DCUN1D2: variants seen among roughly 807,000 people sequenced by gnomAD.
The protein encoded by DCUN1D2 is DCN1-like protein 2.
In DCUN1D2, 29 loss-of-function variants were observed where a neutral mutation model predicts 30.9. The observed-to-expected ratio is 0.94, with a 90% CI of 0.70 to 1.28. DCUN1D2 has a LOEUF of 1.28. DCUN1D2 is among the 50% of genes most tolerant of loss of function. The probability of loss-of-function intolerance (pLI) is 0.00; values close to 1 mark genes in which losing one functional copy is unlikely to be tolerated. For synonymous variants in DCUN1D2, 121 were observed against 115.3 expected, an observed-to-expected ratio of 1.05 and a Z score of -0.32; for missense variants, 325 against 316.9, an observed-to-expected ratio of 1.03 and a Z score of -0.19.
chr13:113,463,922 G>C (rs1055076906), intron 4 of DCUN1D2, among the ~76,000 whole-genome samples: 3 of 152,278 alleles, frequency 2.0e-5, no homozygotes, highest in African/African-American at 7.2e-5. Flanking sequence ...TTGGACACTT[G>C]TCTTGACCTG....
intron 4 of DCUN1D2, among the ~76,000 whole-genome samples, chr13:113,472,075 G>A (rs1399015027): frequency 6.6e-6 from 1 of 151,564 alleles, no homozygotes; most frequent in Non-Finnish European, 1.5e-5. Context: ...TAATTCTACT[G>A]GTGGAGACAG....
chr13:113,461,605 C>T (rs1479687648), intron 4 of DCUN1D2, among the ~76,000 whole-genome samples: 1 of 152,212 alleles, frequency 6.6e-6, no homozygotes, highest in Non-Finnish European at 1.5e-5. Context: ...GAATCTGTTT[C>T]ACAAGTAATT....
rs768048862 is a variant in DCUN1D2 at position 113,483,940 on chromosome 13, G to A, written c.120C>T (p.Ala40=). The part of the protein sequence containing the change: ...LTQNEWRLDE[A]TDSFFQNPDS... ...CTGGGTTTTGGAAGAAGCTGTCCGT[G>A]GCCTCGTCTAGTCTCCACTCATTCT... The change falls in exon 2 of 7, where the codon GCC becomes GCT. Residue 40 remains alanine, a synonymous_variant. Transcript: ENST00000478244. 3.1e-6 allele frequency: 5 copies of A among 1,614,132 alleles called. No individual in the cohort carries two copies. Among genetic ancestry groups the A allele is most frequent in the Non-Finnish European group, 4.2e-6 (5 of 1,180,044 alleles).
intron 3 of DCUN1D2, among the ~76,000 whole-genome samples, chr13:113,476,421 G>A (rs1023452032): frequency 1.3e-5 from 2 of 152,190 alleles, no homozygotes; most frequent in African/African-American, 4.8e-5. Context: ...TTTCCCCAGT[G>A]AATGAGATTA....
In DCUN1D2 at chr13:113,474,230, C is replaced by A. The variant is rs1184560371; in HGVS notation, c.414G>T (p.Lys138Asn). The change falls in exon 4 of 7, where the codon AAG becomes AAT. Residue 138 changes from lysine to asparagine, a missense_variant. Coordinates refer to ENST00000478244, the MANE Select transcript of DCUN1D2 (RefSeq NM_001014283.2). ...ELGCDSMEKL[K>N]ALLPRLEQEL... The stretch of plus-strand genomic sequence containing the variant: ...CCTGCTCCAGTCTTGGCAGAAGAGC[C>A]TTTAGCTTCTCCATGCTGTCACACC... The A allele has an allele frequency of 5.0e-6, 8 of 1,613,938 alleles. No individual in the cohort carries two copies. The highest frequency in any genetic ancestry group is 2.7e-5 in the African/African-American group (2 of 74,924).
chr13:113,463,366 T>G (rs2044348888), intron 4 of DCUN1D2, among the ~76,000 whole-genome samples: 1 of 151,984 alleles, frequency 6.6e-6, no homozygotes, highest in African/African-American at 2.4e-5. Context: ...AAAAATTAGC[T>G]CTCATGAAAC....
At chr13:113,460,224 C>T (rs1468589508) in intron 5 of DCUN1D2, among the ~76,000 whole-genome samples, 4 of 152,210 alleles carry the variant, frequency 2.6e-5, no homozygotes, top group African/African-American at 9.6e-5. Context: ...CCTCCACCTG[C>T]CACACTCTCT....
intron 6 of DCUN1D2, among the ~76,000 whole-genome samples, chr13:113,458,938 T>C (rs534026061): frequency 4.6e-5 from 7 of 152,296 alleles, no homozygotes; most frequent in South Asian, 2.1e-4. Context: ...GATATATTTA[T>C]GCAAGAAGAC....
intron 4 of DCUN1D2, among the ~76,000 whole-genome samples, chr13:113,465,657 CTT>C (rs1396070155): frequency 2.7e-5 from 4 of 149,846 alleles, no homozygotes; most frequent in Middle Eastern, 3.5e-3. Context: ...TCATTATTCT[CTT>C]GTCTATTTGC....
At chr13:113,491,110 G>C (rs1233846613), upstream of DCUN1D2, 2 of 153,056 alleles carry the variant, frequency 1.3e-5, no homozygotes, top group Admixed American at 6.5e-5. Context: ...CGGCCTCCCT[G>C]GTCCCGCCTG....
chr13:113,473,244 C>T (rs929162727), intron 4 of DCUN1D2, among the ~76,000 whole-genome samples: 6 of 152,124 alleles, frequency 3.9e-5, no homozygotes, highest in African/African-American at 1.4e-4. Flanking sequence ...GCCTCTGCCT[C>T]TGTGCCTGTT....
At chr13:113,470,069 C>G (rs1178605396) in intron 4 of DCUN1D2, among the ~76,000 whole-genome samples, 1 of 152,198 alleles carries the variant, frequency 6.6e-6, no homozygotes, top group African/African-American at 2.4e-5. Flanking sequence ...CATGGCATAA[C>G]ATCTCAGCCA....
chr13:113,485,979 A>G (rs1205351697), intron 1 of DCUN1D2, among the ~76,000 whole-genome samples: 3 of 152,330 alleles, frequency 2.0e-5, no homozygotes, highest in South Asian at 2.1e-4. Flanking sequence ...ATTTGCAAAA[A>G]TGTAATGGGT....
chr13:113,459,398 T>C lies in DCUN1D2; in HGVS notation c.614A>G (p.Lys205Arg), dbSNP rs760979210. 7 of 1,557,856 alleles carry C rather than the reference T, an allele frequency of 4.5e-6. No individual in the cohort carries two copies. The highest frequency in any genetic ancestry group is 1.7e-4 in the Middle Eastern group (1 of 5,980). The change falls in exon 6 of 7, where the codon AAA becomes AGA. Residue 205 changes from lysine (K) to arginine (R), a missense_variant. Lys to Arg is a conservative substitution (Grantham distance 26). Coordinates refer to ENST00000478244, the MANE Select transcript of DCUN1D2 (RefSeq NM_001014283.2). ...CCAGGTGTCCCTTGGAATTGATCTT[T>C]TGTGATGTTCCTAATATATGAGAGA... ...LWNTFLMEHH[K>R]RSIPRDTWNL...
At position 113,490,104 on chromosome 13, in the gene DCUN1D2, G is replaced by T. The variant is rs1462305384; in HGVS notation, c.3+563C>A. On this transcript the variant is annotated intron_variant, in intron 1 of 6. Coordinates refer to ENST00000478244, the MANE Select transcript of DCUN1D2 (RefSeq NM_001014283.2). The surrounding 1 kb of genome is among the most constrained non-coding windows in gnomAD (Gnocchi z 5.2). ...CCAGCAGCCTCCCTCCTGCGCTGCG[G>T]AACTCTACCAGCTCCACAGATGCAC... Among the ~76,000 whole-genome samples, 1 of 152,136 alleles carries T rather than the reference G, an allele frequency of 6.6e-6. No individual in the cohort carries two copies. The highest frequency in any genetic ancestry group is 6.5e-5 in the Admixed American group (1 of 15,274).
At chr13:113,482,163 T>C (rs1420817264) in intron 2 of DCUN1D2, among the ~76,000 whole-genome samples, 2 of 152,248 alleles carry the variant, frequency 1.3e-5, no homozygotes, top group East Asian at 3.8e-4. Flanking sequence ...TATATGTTAA[T>C]GTCATAACCA....
chr13:113,457,677 C>G lies in DCUN1D2; in HGVS notation c.*352G>C. On this transcript the variant is annotated 3_prime_UTR_variant, in exon 7 of 7. Coordinates refer to ENST00000478244, the MANE Select transcript of DCUN1D2 (RefSeq NM_001014283.2). ...CGTCATTCGGCGGGACGCTGCCGGA[C>G]GCTGGTTCGCCTGACGCGCGAGCTA... is the stretch of plus-strand genomic sequence containing the variant. 5.9e-6 allele frequency: 1 copy of G among 170,150 alleles called. No individual in the cohort carries two copies. Among genetic ancestry groups the G allele is most frequent in the Non-Finnish European group, 1.2e-5 (1 of 80,132 alleles). The allele number at this position is 170,150 out of a possible 1,614,324, so 10.5% of individuals were successfully genotyped here. A position where few individuals can be genotyped will look rare whatever the true frequency, so the allele number is the denominator to read the frequency against.
In DCUN1D2 at chr13:113,476,388, T is replaced by C. The variant is rs1026897067; in HGVS notation, c.390-2134A>G. 1.6e-4 allele frequency among the ~76,000 whole-genome samples: 24 copies of C among 152,358 alleles called. 1 individual carries two copies. Among genetic ancestry groups the C allele is most frequent in the Middle Eastern group, 6.8e-3 (2 of 294 alleles). On this transcript the variant is annotated intron_variant, in intron 3 of 6. Coordinates refer to ENST00000478244, the MANE Select transcript of DCUN1D2 (RefSeq NM_001014283.2). Reference sequence around the variant, plus strand: ...GAGGGTGGTTTGTTATGGGGTTCTATTTCACTGTGGTTTTCACCTGCATTT... The same window carrying C: ...GAGGGTGGTTTGTTATGGGGTTCTACTTCACTGTGGTTTTCACCTGCATTT...
In DCUN1D2 at chr13:113,457,723, C is replaced by T. The variant is rs1001997173; in HGVS notation, c.*306G>A. The T allele has an allele frequency of 2.5e-5, 6 of 242,498 alleles. No homozygotes were observed. The highest frequency in any genetic ancestry group is 2.0e-4 in the Admixed American group (4 of 20,186). The allele number at this position is 242,498 out of a possible 1,614,324, so 15.0% of individuals were successfully genotyped here. A position where few individuals can be genotyped will look rare whatever the true frequency, so the allele number is the denominator to read the frequency against. ...AGCTACGCAGCATGCTCTGCGGTCC[C>T]ACAGGCGGCGCTATGGCTCTACCTT... On this transcript the variant is annotated 3_prime_UTR_variant, in exon 7 of 7. Transcript: ENST00000478244.
Sources: allele counts gnomAD v4.1 joint callset (sites outside exome capture counted in the v4.1 genomes callset), GRCh38; gene constraint gnomAD v4.1.1; non-coding constraint Gnocchi (gnomAD v3.1); transcripts MANE v1.5; gene names NCBI Gene and HGNC (gene_info 2026-07-23, HGNC 2026-07-21).